The following SEC24B variants were observed in gnomAD, a reference collection of about 807,000 sequenced individuals.
SEC24B encodes the protein protein transport protein Sec24B.
A neutral mutation model predicts 142.8 loss-of-function variants in SEC24B; 45 were observed. The observed-to-expected ratio is 0.32, with a 90% confidence interval of 0.25 to 0.40. SEC24B has a LOEUF of 0.40. Ranked by LOEUF, SEC24B falls within the 10% of genes least tolerant of loss-of-function variation. SEC24B has a pLI of 1.00. For synonymous variants in SEC24B, 574 were observed against 568.2 expected, an observed-to-expected ratio of 1.01 and a Z score of -0.15; for missense variants, 1,409 against 1,526.8, an observed-to-expected ratio of 0.92 and a Z score of 1.29.
chr4:109,527,774 C>T (rs557350747), intron 18 of SEC24B, among the ~76,000 whole-genome samples: 1 of 150,098 alleles, frequency 6.7e-6, no homozygotes, highest in South Asian at 2.1e-4. Context: ...GAGTGAGACT[C>T]TGTCTCAAAA....
intron 22 of SEC24B, among the ~76,000 whole-genome samples, chr4:109,533,993 C>A (rs531868994): frequency 2.6e-5 from 4 of 151,672 alleles, no homozygotes; most frequent in African/African-American, 9.7e-5. Flanking sequence ...TGGCTTCTTT[C>A]ACTTTCCTTA....
intron 8 of SEC24B, 21 bp from the exon 9 acceptor site, chr4:109,511,936 C>A: frequency 6.2e-7 from 1 of 1,608,822 alleles, no homozygotes. Context: ...TCTGCTACAG[C>A]TTCTTTATTT....
rs755330560 is a variant in SEC24B, at chr4:109,533,669, C to T, written c.3572C>T (p.Ser1191Leu). Residue 1191 changes from serine (S) to leucine (L), a missense_variant, in exon 22 of 24, where the codon TCA becomes TTA. Ser to Leu is a moderately radical substitution (Grantham distance 145, BLOSUM62 -2). Around this residue, in one of 2 missense-constraint regions of SEC24B, gnomAD observed 700 missense variants for 853.3 expected, o/e 0.82. Coordinates refer to ENST00000265175, the MANE Select transcript of SEC24B (RefSeq NM_006323.5). Reference sequence around the variant, plus strand: ...GTGCTTGGATATACTAATTTTGCATCAATACCACAGAAAATGGTCAGTAGA... The same window carrying T: ...GTGCTTGGATATACTAATTTTGCATTAATACCACAGAAAATGGTCAGTAGA... ...EDVLGYTNFA[S>L]IPQKMTHLPE... The T allele has an allele frequency of 2.5e-6, 4 of 1,597,884 alleles. No individual in the cohort carries two copies. The highest frequency in any genetic ancestry group is 2.6e-6 in the Non-Finnish European group (3 of 1,169,874).
intron 11 of SEC24B, among the ~76,000 whole-genome samples, chr4:109,517,259 C>T (rs1286932919): frequency 2.6e-5 from 4 of 152,110 alleles, no homozygotes; most frequent in African/African-American, 4.8e-5. Context: ...GATAAAGAAA[C>T]TGGTATATGT....
At chr4:109,453,723 C>G (rs1199544194) in intron 1 of SEC24B, among the ~76,000 whole-genome samples, 2 of 152,138 alleles carry the variant, frequency 1.3e-5, no homozygotes, top group Non-Finnish European at 2.9e-5. Context: ...GACATACATC[C>G]TCAGCTTACG....
At chr4:109,477,140 TAA>T (rs759331468) in intron 3 of SEC24B, among the ~76,000 whole-genome samples, 104 of 55,918 alleles carry the variant, frequency 1.9e-3, no homozygotes, top group South Asian at 5.0e-3. Flanking sequence ...CCGTCTCAAA[TAA>T]AAAAAAAAAA....
intron 2 of SEC24B, among the ~76,000 whole-genome samples, chr4:109,470,957 G>A (rs965826324): frequency 6.6e-6 from 1 of 152,178 alleles, no homozygotes; most frequent in Non-Finnish European, 1.5e-5. Context: ...ACATGATTCA[G>A]GAGGGGGCAG....
At chr4:109,447,685 T>C (rs543073165) in intron 1 of SEC24B, among the ~76,000 whole-genome samples, 1 of 152,280 alleles carries the variant, frequency 6.6e-6, no homozygotes, top group East Asian at 1.9e-4. Context: ...TTGAAAATTA[T>C]TGTATGAAGA....
intron 5 of SEC24B, among the ~76,000 whole-genome samples, chr4:109,493,968 A>G (rs1162075777): frequency 1.3e-5 from 2 of 152,224 alleles, no homozygotes; most frequent in Non-Finnish European, 2.9e-5. Flanking sequence ...GGGATTATGG[A>G]AACATGCTAC....
intron 4 of SEC24B, among the ~76,000 whole-genome samples, chr4:109,482,763 A>G (rs899239799): frequency 1.3e-5 from 2 of 149,072 alleles, no homozygotes; most frequent in African/African-American, 4.9e-5. Flanking sequence ...CTCAACTCCC[A>G]CATAGCTGAG....
chr4:109,466,814 G>C (rs1731945328), intron 2 of SEC24B, among the ~76,000 whole-genome samples: 1 of 152,142 alleles, frequency 6.6e-6, no homozygotes, highest in South Asian at 2.1e-4. Flanking sequence ...AAAGTCCTCA[G>C]TCATTTTATA....
At chr4:109,458,604 A>T (rs1730941830) in intron 1 of SEC24B, among the ~76,000 whole-genome samples, 1 of 152,256 alleles carries the variant, frequency 6.6e-6, no homozygotes, top group Non-Finnish European at 1.5e-5. Context: ...TGATTAAAAT[A>T]TGGTAAATTC....
At chr4:109,507,485 A>G (rs987138299) in intron 7 of SEC24B, among the ~76,000 whole-genome samples, 1 of 151,768 alleles carries the variant, frequency 6.6e-6, no homozygotes, top group Non-Finnish European at 1.5e-5. Flanking sequence ...TGTTGGGCAG[A>G]CTGTTCTCGA....
intron 1 of SEC24B, among the ~76,000 whole-genome samples, chr4:109,461,147 G>T (rs1411873874): frequency 6.6e-6 from 1 of 152,112 alleles, no homozygotes; most frequent in Non-Finnish European, 1.5e-5. Flanking sequence ...AGCAGAGAAA[G>T]ACACCCAAAT....
intron 1 of SEC24B, chr4:109,451,070 A>G (rs1730032661): frequency 6.6e-6 from 1 of 152,186 alleles, no homozygotes; most frequent in Non-Finnish European, 1.5e-5. Flanking sequence ...AGCACCAGCT[A>G]CTGTGGATTT....
At chr4:109,539,160 C>T (rs1406838757) in intron 23 of SEC24B, among the ~76,000 whole-genome samples, 1 of 152,028 alleles carries the variant, frequency 6.6e-6, no homozygotes, top group East Asian at 1.9e-4. Flanking sequence ...CAGGGTTTCA[C>T]CATGTTGGCC....
intron 1 of SEC24B, among the ~76,000 whole-genome samples, chr4:109,434,515 G>A (rs1728207265): frequency 6.6e-6 from 1 of 152,222 alleles, no homozygotes; most frequent in South Asian, 2.1e-4. Context: ...TTCGGTTCCC[G>A]AGGCCCAGCG....
chr4:109,481,768 G>A lies in SEC24B; in HGVS notation c.1152G>A (p.Glu384=). 1 of 1,612,342 alleles carries A rather than the reference G, an allele frequency of 6.2e-7. No homozygotes were observed. The change falls in exon 4 of 24, where the codon GAG becomes GAA. Residue 384 remains glutamate, a synonymous_variant. Coordinates refer to ENST00000265175, the MANE Select transcript of SEC24B (RefSeq NM_006323.5). ...CCGATGATGAGGAAGAGGAGGAGGA[G>A]GATGAGGAAGCAGGTCTGCTTTAGC... The part of the protein sequence containing the change: ...STSDDEEEEE[E]DEEAGVDSSS...
At chr4:109,453,995 T>A (rs1254056324) in intron 1 of SEC24B, among the ~76,000 whole-genome samples, 1 of 152,092 alleles carries the variant, frequency 6.6e-6, no homozygotes, top group East Asian at 1.9e-4. Flanking sequence ...ATAGCTGGGA[T>A]TACAGGCATG....
Sources: gnomAD v4.1 joint callset for allele counts (sites outside exome capture counted in the v4.1 genomes callset) on GRCh38, gnomAD v4.1.1 for gene constraint, gnomAD v4.1.1 regional missense constraint, MANE v1.5 for transcripts, NCBI Gene and HGNC (gene_info 2026-07-23, HGNC 2026-07-21) for gene names.